Variants in DOCK3 observed in about 807,000 individuals in gnomAD.
DOCK3 encodes the protein dedicator of cytokinesis 3, also known as dedicator of cytokinesis protein 3.
A neutral mutation model predicts 265.6 loss-of-function variants in DOCK3; 60 were observed. The observed-to-expected ratio is 0.23, with a 90% CI of 0.18 to 0.28. The LOEUF (loss-of-function observed/expected upper bound fraction) is 0.28, where lower values mean the gene tolerates loss of function less well. Ranked by LOEUF, DOCK3 falls within the 10% of genes least tolerant of loss-of-function variation. DOCK3 has a pLI of 1.00. For synonymous variants in DOCK3, 881 were observed against 938.0 expected, an observed-to-expected ratio of 0.94 and a Z score of 1.11; for missense variants, 1,981 against 2,594.3, an observed-to-expected ratio of 0.76 and a Z score of 5.14.
intron 13 of DOCK3, among the ~76,000 whole-genome samples, chr3:51,209,616 A>G (rs1175224345): frequency 2.0e-5 from 3 of 152,170 alleles, no homozygotes; most frequent in Non-Finnish European, 4.4e-5. Context: ...CTTTTACATA[A>G]TCTTCTTTGT....
chr3:51,196,138 G>A (rs1435185374), intron 12 of DOCK3, among the ~76,000 whole-genome samples: 1 of 150,292 alleles, frequency 6.7e-6, no homozygotes, highest in African/African-American at 2.5e-5. Flanking sequence ...TTCTTGTCAT[G>A]CTGCGTAGGC....
At chr3:51,210,905 G>A (rs2089463449) in intron 13 of DOCK3, among the ~76,000 whole-genome samples, 1 of 152,152 alleles carries the variant, frequency 6.6e-6, no homozygotes, top group Non-Finnish European at 1.5e-5. Flanking sequence ...TCATCCAGCA[G>A]CAACTCTTCT....
At chr3:50,787,833 G>GT in intron 2 of DOCK3, 1 of 1,116,626 alleles carries the variant, frequency 9.0e-7, no homozygotes, top group Non-Finnish European at 1.3e-6. Context: ...CCTCCTCATT[G>GT]TTTAAGAACA....
intron 22 of DOCK3, among the ~76,000 whole-genome samples, chr3:51,258,399 C>T (rs1045718313): frequency 1.3e-5 from 2 of 152,132 alleles, no homozygotes; most frequent in African/African-American, 4.8e-5. Flanking sequence ...CAGTAAGATG[C>T]TCAACAAGTT....
In DOCK3 at chr3:50,920,430, A is replaced by G. The variant is rs569104620; in HGVS notation, c.219-13551A>G. ...AATTATTGCCTCAATTTCAGAGCCT[A>G]TTATTGGTCTATTCAGGGATTCACC... is the stretch of plus-strand genomic sequence containing the variant. On this transcript the variant is annotated intron_variant, in intron 4 of 52. Transcript: ENST00000266037. 1.5e-3 allele frequency among the ~76,000 whole-genome samples: 224 copies of G among 152,120 alleles called. 1 individual carries two copies. The highest frequency in any genetic ancestry group is 2.7e-3 in the Non-Finnish European group (184 of 67,966).
intron 3 of DOCK3, among the ~76,000 whole-genome samples, chr3:50,871,613 C>A (rs2047434936): frequency 6.6e-6 from 1 of 152,050 alleles, no homozygotes; most frequent in South Asian, 2.1e-4. Context: ...AAGTTCTGAA[C>A]CCTATTTCTT....
At position 50,704,569 on chromosome 3, in the gene DOCK3, C is replaced by T. The variant is rs2036262503; in HGVS notation, c.37+29269C>T. On this transcript the variant is annotated intron_variant, in intron 1 of 52. Coordinates refer to ENST00000266037, the MANE Select transcript of DOCK3 (RefSeq NM_004947.5). Reference sequence around the variant, plus strand: ...GCGTGGAAACATGTTTTTTCCATCTCTTCACTTTCAGTCTATGTGCGTCTT... The same window carrying T: ...GCGTGGAAACATGTTTTTTCCATCTTTTCACTTTCAGTCTATGTGCGTCTT... Among the ~76,000 whole-genome samples the T allele has an allele frequency of 2.0e-5, 3 of 150,504 alleles. 1 individual carries two copies. In the South Asian group the frequency reaches 6.3e-4, roughly 32 times the overall value.
chr3:51,333,633 C>T (rs996966127), intron 35 of DOCK3, among the ~76,000 whole-genome samples: 11 of 152,160 alleles, frequency 7.2e-5, no homozygotes, highest in African/African-American at 1.4e-4. Flanking sequence ...TGCAGACCCT[C>T]CTCAGAACCA....
chr3:50,888,181 T>G (rs1049930518), intron 3 of DOCK3, among the ~76,000 whole-genome samples: 2 of 152,088 alleles, frequency 1.3e-5, no homozygotes, highest in African/African-American at 4.8e-5. Flanking sequence ...ACAAAATCAA[T>G]GTACAAAAAT....
intron 13 of DOCK3, among the ~76,000 whole-genome samples, chr3:51,211,234 T>G (rs1341639579): frequency 6.6e-6 from 1 of 152,202 alleles, no homozygotes; most frequent in African/African-American, 2.4e-5. Context: ...ATTTGTCCAG[T>G]TACTTTTTTT....
At chr3:51,271,579 A>G (rs1353643344) in intron 24 of DOCK3, among the ~76,000 whole-genome samples, 1 of 152,186 alleles carries the variant, frequency 6.6e-6, no homozygotes, top group Non-Finnish European at 1.5e-5. Flanking sequence ...AGAAGGGACT[A>G]TCTCAAGGAA....
chr3:50,845,260 A>G (rs1014359360), intron 3 of DOCK3, among the ~76,000 whole-genome samples: 1 of 152,230 alleles, frequency 6.6e-6, no homozygotes, highest in African/African-American at 2.4e-5. Context: ...GAATTAAAGA[A>G]TAAGACATAA....
chr3:51,301,394 GTC>G (rs1367197909), intron 27 of DOCK3, among the ~76,000 whole-genome samples: 2 of 150,568 alleles, frequency 1.3e-5, no homozygotes, highest in Non-Finnish European at 3.0e-5. Flanking sequence ...GCTTTTTCAT[GTC>G]TCTATCTCCT....
intron 9 of DOCK3, among the ~76,000 whole-genome samples, chr3:51,142,579 T>A (rs1222796847): frequency 6.6e-6 from 1 of 152,210 alleles, no homozygotes; most frequent in South Asian, 2.1e-4. Flanking sequence ...GTTTGTTTTT[T>A]AAAATTGTGA....
chr3:50,805,489 TCCAGGAATGG>T (rs2043355977), intron 2 of DOCK3, among the ~76,000 whole-genome samples: 1 of 152,124 alleles, frequency 6.6e-6, no homozygotes. Context: ...GGACATACCT[TCCAGGAATGG>T]CTTGTGGGGC....
At chr3:51,111,833 A>G (rs1560077298) in intron 9 of DOCK3, among the ~76,000 whole-genome samples, 1 of 152,130 alleles carries the variant, frequency 6.6e-6, no homozygotes, top group Non-Finnish European at 1.5e-5. Flanking sequence ...TCTAATATCC[A>G]TCTATAAGAA....
At chr3:50,828,520 T>C (rs1018203575) in intron 2 of DOCK3, among the ~76,000 whole-genome samples, 6 of 152,038 alleles carry the variant, frequency 3.9e-5, no homozygotes, top group African/African-American at 1.5e-4. Context: ...TTCTCATGCC[T>C]CAGCCTCCTG....
At chr3:50,906,079 A>T (rs909321314) in intron 4 of DOCK3, among the ~76,000 whole-genome samples, 1 of 152,010 alleles carries the variant, frequency 6.6e-6, no homozygotes, top group African/African-American at 2.4e-5. Context: ...TGATTTGCAT[A>T]TGTTGAACCA....
chr3:51,334,517 C>T (rs992063532), intron 35 of DOCK3, among the ~76,000 whole-genome samples: 2 of 152,188 alleles, frequency 1.3e-5, no homozygotes, highest in African/African-American at 4.8e-5. Flanking sequence ...AAATGGAATT[C>T]CTGAGAAATG....
Sources: allele counts gnomAD v4.1 joint callset (sites outside exome capture counted in the v4.1 genomes callset), GRCh38; gene constraint gnomAD v4.1.1; transcripts MANE v1.5; gene names NCBI Gene and HGNC (gene_info 2026-07-23, HGNC 2026-07-21).